Variants in NEDD4 observed in about 807,000 individuals in gnomAD.
The protein encoded by NEDD4 is NEDD4 E3 ubiquitin protein ligase.
Under a neutral mutation model 144.9 loss-of-function variants are expected in NEDD4, and 99 were observed. That is an observed-to-expected ratio of 0.68 (90% CI 0.58 to 0.81). The LOEUF (loss-of-function observed/expected upper bound fraction) is 0.81. Ranked by LOEUF, NEDD4 falls within the 30% of genes least tolerant of loss-of-function variation. The pLI, the probability that NEDD4 is intolerant of heterozygous loss-of-function variation, is 0.00. For synonymous variants in NEDD4, 318 were observed against 350.6 expected, an observed-to-expected ratio of 0.91 and a Z score of 1.04; for missense variants, 985 against 1,065.9, an observed-to-expected ratio of 0.92 and a Z score of 1.06.
chr15:55,934,977 T>C (rs149299658), intron 4 of NEDD4, among the ~76,000 whole-genome samples: 8,558 of 149,238 alleles, frequency 0.057, 341 homozygotes, highest in Non-Finnish European at 0.088. Flanking sequence ...CAAGTGATTC[T>C]CCTGCCTCAG....
At chr15:55,896,447 A>T (rs1387717615) in intron 5 of NEDD4, among the ~76,000 whole-genome samples, 3 of 151,986 alleles carry the variant, frequency 2.0e-5, no homozygotes, top group African/African-American at 7.2e-5. Context: ...GCCTCCCAAA[A>T]TGCTGGGATT....
At chr15:55,910,628 A>G (rs2036242173) in intron 5 of NEDD4, among the ~76,000 whole-genome samples, 2 of 151,454 alleles carry the variant, frequency 1.3e-5, no homozygotes. Context: ...CTGACTCCCA[A>G]TCTACATTTC....
intron 4 of NEDD4, among the ~76,000 whole-genome samples, chr15:55,947,246 C>T (rs1280187471): frequency 6.6e-6 from 1 of 151,972 alleles, no homozygotes; most frequent in African/African-American, 2.4e-5. Flanking sequence ...ATCAACAAAA[C>T]TGATAGACCG....
At chr15:55,855,390 C>G (rs969840750) in intron 12 of NEDD4, among the ~76,000 whole-genome samples, 2 of 152,150 alleles carry the variant, frequency 1.3e-5, no homozygotes, top group Non-Finnish European at 2.9e-5. Context: ...TGGGAACAGT[C>G]TGCTTGGAAG....
intron 5 of NEDD4, among the ~76,000 whole-genome samples, chr15:55,918,835 C>CT (rs1236221799): frequency 6.6e-6 from 1 of 152,122 alleles, no homozygotes; most frequent in African/African-American, 2.4e-5. Flanking sequence ...CTCTTAACAT[C>CT]TTTTTCTTTT....
rs201295772 is a variant in NEDD4, at chr15:55,846,988, C to T, written c.1589G>A (p.Arg530Gln). Residue 530 changes from arginine (R) to glutamine (Q), a missense_variant, in exon 18 of 29, where the codon CGA becomes CAA. Transcript: ENST00000435532. ...RDYKRKYEFF[R>Q]RKLKKQNDIP... is the part of the protein sequence containing the mutation. ...ACTAACCTGCTTCTTCAACTTTCTT[C>T]GGAAGAACTCATACTTTCTTTTGTA... is the stretch of plus-strand genomic sequence containing the variant. 154 of 1,608,664 alleles carry T rather than the reference C, an allele frequency of 9.6e-5. No homozygotes were observed. Among genetic ancestry groups the T allele is most frequent in the Middle Eastern group, 8.3e-4 (5 of 6,008 alleles).
At chr15:55,868,225 C>A (rs2034651838) in intron 8 of NEDD4, among the ~76,000 whole-genome samples, 1 of 152,146 alleles carries the variant, frequency 6.6e-6, no homozygotes, top group Non-Finnish European at 1.5e-5. Flanking sequence ...AGCCTAGCCC[C>A]TGGGGAAGGC....
At chr15:55,989,650 C>G (rs1378139148) in intron 1 of NEDD4, among the ~76,000 whole-genome samples, 1 of 152,196 alleles carries the variant, frequency 6.6e-6, no homozygotes, top group Non-Finnish European at 1.5e-5. Flanking sequence ...TGAACTCTTT[C>G]CTCTTTATTT....
At chr15:55,953,236 C>T (rs554657118) in intron 2 of NEDD4, among the ~76,000 whole-genome samples, 12 of 152,118 alleles carry the variant, frequency 7.9e-5, no homozygotes, top group African/African-American at 2.6e-4. Flanking sequence ...GTGATCCGCC[C>T]GCCTTGGCTC....
chr15:55,992,221 A>G (rs62045232), intron 1 of NEDD4, among the ~76,000 whole-genome samples: 12,253 of 152,200 alleles, frequency 0.081, 522 homozygotes, highest in Admixed American at 0.11. Flanking sequence ...CACATTGACT[A>G]TTGTTTCTGA....
At chr15:55,872,771 C>T (rs749584280) in intron 6 of NEDD4, among the ~76,000 whole-genome samples, 1 of 151,998 alleles carries the variant, frequency 6.6e-6, no homozygotes, top group African/African-American at 2.4e-5. Flanking sequence ...ATGTTAACAT[C>T]CCAAAAGAAC....
At chr15:55,898,355 T>C (rs2035803693) in intron 5 of NEDD4, among the ~76,000 whole-genome samples, 1 of 152,208 alleles carries the variant, frequency 6.6e-6, no homozygotes, top group Non-Finnish European at 1.5e-5. Context: ...ATTTTTTCTA[T>C]GTATTAAACA....
At chr15:55,993,612 T>TGGAGGA (rs1302608628), upstream of NEDD4, 3 of 1,569,432 alleles carry the variant, frequency 1.9e-6, no homozygotes, top group Non-Finnish European at 1.7e-6. Context: ...CAGGCAACTG[T>TGGAGGA]GGAGGAGGAG....
At chr15:55,879,662 T>C (rs192693852) in intron 5 of NEDD4, among the ~76,000 whole-genome samples, 1 of 152,006 alleles carries the variant, frequency 6.6e-6, no homozygotes, top group Non-Finnish European at 1.5e-5. Flanking sequence ...AAAACCGTAA[T>C]ATTCCCAGAG....
At chr15:55,939,117 C>CAAA (rs1273161368) in intron 4 of NEDD4, among the ~76,000 whole-genome samples, 4 of 58,016 alleles carry the variant, frequency 6.9e-5, no homozygotes, top group African/African-American at 3.5e-4. Context: ...AAAACAACAA[C>CAAA]AACAACAAAC....
intron 1 of NEDD4, among the ~76,000 whole-genome samples, chr15:55,976,498 A>G (rs776394404): frequency 6.6e-6 from 1 of 152,240 alleles, no homozygotes; most frequent in African/African-American, 2.4e-5. Flanking sequence ...TCATCAGGGA[A>G]GTGCAAATCA....
chr15:55,967,684 G>A (rs1209977660), intron 1 of NEDD4, among the ~76,000 whole-genome samples: 4 of 151,110 alleles, frequency 2.6e-5, no homozygotes. Context: ...TATTAGAACA[G>A]AAATAAAATT....
intron 4 of NEDD4, among the ~76,000 whole-genome samples, chr15:55,927,736 C>T (rs2036702243): frequency 6.6e-6 from 1 of 152,056 alleles, no homozygotes; most frequent in Non-Finnish European, 1.5e-5. Flanking sequence ...GTCAGTGGTG[C>T]ACAAAATGAA....
At chr15:55,975,386 A>C (rs1018253464) in intron 1 of NEDD4, among the ~76,000 whole-genome samples, 1 of 152,242 alleles carries the variant, frequency 6.6e-6, no homozygotes, top group African/African-American at 2.4e-5. Context: ...ACATTCAGTA[A>C]AGTTGCAGGA....
Sources: gnomAD v4.1 joint callset for allele counts (sites outside exome capture counted in the v4.1 genomes callset) on GRCh38, gnomAD v4.1.1 for gene constraint, MANE v1.5 for transcripts, NCBI Gene and HGNC (gene_info 2026-07-23, HGNC 2026-07-21) for gene names.